Variants in ITGBL1 observed in about 807,000 individuals in gnomAD.
ITGBL1 encodes integrin beta-like protein 1.
In ITGBL1, 51 loss-of-function variants were observed where a neutral mutation model predicts 68.5. That is an observed-to-expected ratio of 0.74 (90% CI 0.59 to 0.94). The LOEUF (loss-of-function observed/expected upper bound fraction) is 0.94, where lower values mean the gene tolerates loss of function less well. Ranked by LOEUF, ITGBL1 falls within the 40% of genes least tolerant of loss-of-function variation. The pLI is 0.00. For missense variants in ITGBL1, 649 were observed against 647.4 expected (o/e 1.00, Z -0.03); for synonymous variants, 209 against 227.3 (o/e 0.92, Z 0.72).
chr13:101,479,063 A>G (rs1307150445), intron 2 of ITGBL1, among the ~76,000 whole-genome samples: 1 of 152,118 alleles, frequency 6.6e-6, no homozygotes, highest in East Asian at 1.9e-4. Context: ...AAATTATAAC[A>G]CAGAGCTATA....
intron 7 of ITGBL1, among the ~76,000 whole-genome samples, chr13:101,657,633 G>C (rs2032967625): frequency 6.6e-6 from 1 of 152,122 alleles, no homozygotes; most frequent in African/African-American, 2.4e-5. Context: ...TTTGAGATTG[G>C]TTTTCTACTT....
intron 2 of ITGBL1, among the ~76,000 whole-genome samples, chr13:101,516,391 A>G (rs1237082556): frequency 6.6e-6 from 1 of 152,142 alleles, no homozygotes; most frequent in Non-Finnish European, 1.5e-5. Flanking sequence ...GGAAATTTGA[A>G]TAGTTTTATT....
chr13:101,541,379 A>G (rs1388971284), intron 2 of ITGBL1, among the ~76,000 whole-genome samples: 3 of 152,002 alleles, frequency 2.0e-5, no homozygotes, highest in African/African-American at 7.3e-5. Context: ...GTGTTGAACC[A>G]GCCTTGCATC....
intron 2 of ITGBL1, among the ~76,000 whole-genome samples, chr13:101,470,368 C>T (rs945748325): frequency 6.6e-6 from 1 of 150,832 alleles, no homozygotes; most frequent in South Asian, 2.1e-4. Context: ...CTCGCTCTGT[C>T]ACCCAGGCTG....
At chr13:101,679,461 C>T (rs929321286) in intron 7 of ITGBL1, among the ~76,000 whole-genome samples, 3 of 152,114 alleles carry the variant, frequency 2.0e-5, no homozygotes, top group African/African-American at 7.2e-5. Context: ...CAGGGCACTG[C>T]CTGATGACCA....
intron 2 of ITGBL1, among the ~76,000 whole-genome samples, chr13:101,545,338 T>C (rs1371719476): frequency 6.6e-6 from 1 of 152,026 alleles, no homozygotes; most frequent in South Asian, 2.1e-4. Flanking sequence ...CACAGGCCCA[T>C]TGGGAACAAG....
chr13:101,612,318 T>A (rs1031815335), intron 7 of ITGBL1, among the ~76,000 whole-genome samples: 3 of 152,196 alleles, frequency 2.0e-5, no homozygotes, highest in Non-Finnish European at 4.4e-5. Flanking sequence ...AAGTCCTTTA[T>A]AAAGATGTGA....
chr13:101,720,167 A>T (rs573806997), downstream of ITGBL1: 1 of 152,270 alleles, frequency 6.6e-6, no homozygotes, highest in Admixed American at 6.5e-5. Flanking sequence ...TTAGCAATAC[A>T]TACCAACAGT....
intron 7 of ITGBL1, among the ~76,000 whole-genome samples, chr13:101,599,869 G>A (rs1195304793): frequency 7.2e-5 from 11 of 152,090 alleles, no homozygotes; most frequent in East Asian, 5.8e-4. Flanking sequence ...GTCAGGTTGC[G>A]TGATGCCTCC....
chr13:101,635,885 T>C (rs1410347385), intron 7 of ITGBL1, among the ~76,000 whole-genome samples: 1 of 152,092 alleles, frequency 6.6e-6, no homozygotes, highest in Non-Finnish European at 1.5e-5. Flanking sequence ...ATAACTTAAT[T>C]GTGGCATAAT....
chr13:101,701,426 G>C (rs181975926), intron 8 of ITGBL1, among the ~76,000 whole-genome samples: 4 of 152,002 alleles, frequency 2.6e-5, no homozygotes. Flanking sequence ...CCAGCTATTC[G>C]GGAGGCTGAG....
intron 2 of ITGBL1, among the ~76,000 whole-genome samples, chr13:101,458,337 T>C (rs1004514574): frequency 2.6e-5 from 4 of 152,224 alleles, no homozygotes; most frequent in African/African-American, 4.8e-5. Flanking sequence ...AAGGAAAATC[T>C]TAAGCAAAAG....
At chr13:101,679,711 G>C (rs963691923) in intron 7 of ITGBL1, among the ~76,000 whole-genome samples, 7 of 152,222 alleles carry the variant, frequency 4.6e-5, no homozygotes, top group Non-Finnish European at 1.0e-4. Flanking sequence ...ATAGTTTTTG[G>C]TGTTGTTGTA....
chr13:101,718,000 G>C (rs2034790444), downstream of ITGBL1: 1 of 152,082 alleles, frequency 6.6e-6, no homozygotes, highest in Admixed American at 6.6e-5. Flanking sequence ...AAAGAATTTA[G>C]ATATTGGAGA....
At chr13:101,602,941 A>G (rs1426458069) in intron 7 of ITGBL1, among the ~76,000 whole-genome samples, 1 of 151,996 alleles carries the variant, frequency 6.6e-6, no homozygotes, top group Non-Finnish European at 1.5e-5. Flanking sequence ...ATCCTGTTGT[A>G]TGGATACACC....
chr13:101,715,914 G>A lies in ITGBL1; in HGVS notation c.*260G>A. On this transcript the variant is annotated 3_prime_UTR_variant, in exon 11 of 11. Coordinates refer to ENST00000376180, the MANE Select transcript of ITGBL1 (RefSeq NM_004791.3). Reference sequence around the variant, plus strand: ...ACGAGAGCAATTTTTCCACCCAAAAGTCATTTGGCAACATCTACAGACAAT... The same window carrying A: ...ACGAGAGCAATTTTTCCACCCAAAAATCATTTGGCAACATCTACAGACAAT... 1 of 380,472 alleles carries A rather than the reference G, an allele frequency of 2.6e-6. No individual in the cohort carries two copies. Among genetic ancestry groups the A allele is most frequent in the Non-Finnish European group, 4.9e-6 (1 of 205,122 alleles). 23.6% of individuals were successfully genotyped at this position (380,472 alleles called of 1,614,324 possible).
chr13:101,695,187 A>G (rs919888616), intron 8 of ITGBL1, among the ~76,000 whole-genome samples: 4 of 152,228 alleles, frequency 2.6e-5, no homozygotes, highest in African/African-American at 7.2e-5. Context: ...CAACTATGTA[A>G]TGCAGACTAT....
intron 7 of ITGBL1, among the ~76,000 whole-genome samples, chr13:101,657,078 A>G (rs1225735600): frequency 6.6e-6 from 1 of 151,878 alleles, no homozygotes; most frequent in Non-Finnish European, 1.5e-5. Context: ...TATTGCTTCT[A>G]TAGAAGGCTA....
At chr13:101,676,343 AATATAG>A (rs1177150860) in intron 7 of ITGBL1, among the ~76,000 whole-genome samples, 5 of 152,122 alleles carry the variant, frequency 3.3e-5, no homozygotes, top group Non-Finnish European at 1.5e-5. Context: ...TATAGATATA[AATATAG>A]ATATAGATAT....
Sources: allele counts gnomAD v4.1 joint callset (sites outside exome capture counted in the v4.1 genomes callset), GRCh38; gene constraint gnomAD v4.1.1; transcripts MANE v1.5; gene names NCBI Gene and HGNC (gene_info 2026-07-23, HGNC 2026-07-21).